Variants in TYW1B observed in about 807,000 individuals in gnomAD.
TYW1B encodes S-adenosyl-L-methionine-dependent tRNA 4-demethylwyosine synthase TYW1B.
TYW1B carries 73 observed loss-of-function variants against 86.9 expected under a neutral mutation model. The ratio of observed to expected loss-of-function variants is 0.84; its 90% CI spans 0.70 to 1.02. The LOEUF (loss-of-function observed/expected upper bound fraction) is 1.02. Among genes scored for constraint, TYW1B ranks in the 50% least tolerant of loss-of-function variants. TYW1B has a pLI of 0.00. For missense variants in TYW1B, 637 were observed against 827.4 expected (o/e 0.77, Z 2.82); for synonymous variants, 248 against 292.8 (o/e 0.85, Z 1.56).
intron 12 of TYW1B, among the ~76,000 whole-genome samples, chr7:72,623,723 T>C (rs1209527490): frequency 6.6e-6 from 1 of 152,156 alleles, no homozygotes; most frequent in Non-Finnish European, 1.5e-5. Flanking sequence ...TTAGAGAGGT[T>C]TGAGGTTATA....
At chr7:72,578,813 C>A (rs1563016865) in intron 13 of TYW1B, among the ~76,000 whole-genome samples, 1 of 152,138 alleles carries the variant, frequency 6.6e-6, no homozygotes, top group Non-Finnish European at 1.5e-5. Flanking sequence ...ATCACAGAAG[C>A]TTGGCCCCGT....
intron 11 of TYW1B, among the ~76,000 whole-genome samples, chr7:72,649,534 A>G (rs116401536): frequency 2.2e-3 from 334 of 152,302 alleles, no homozygotes; most frequent in African/African-American, 7.7e-3. Flanking sequence ...GATACTGACA[A>G]AAGTAAAATC....
intron 11 of TYW1B, among the ~76,000 whole-genome samples, chr7:72,629,528 G>A (rs1261793349): frequency 2.6e-5 from 4 of 152,124 alleles, no homozygotes; most frequent in African/African-American, 9.7e-5. Flanking sequence ...AACCACAAGA[G>A]GGACTGGCTT....
At chr7:72,727,330 T>C (rs1198712833) in intron 9 of TYW1B, among the ~76,000 whole-genome samples, 2 of 152,124 alleles carry the variant, frequency 1.3e-5, no homozygotes, top group South Asian at 2.1e-4. Flanking sequence ...TGGTTGCATA[T>C]GACGGAAAAG....
chr7:72,719,449 T>C (rs185604952), intron 9 of TYW1B, among the ~76,000 whole-genome samples: 1 of 151,264 alleles, frequency 6.6e-6, no homozygotes, highest in Non-Finnish European at 1.5e-5. Flanking sequence ...ACCAACATGG[T>C]GAAACCCCAT....
At chr7:72,818,802 C>T (rs1199895572) in intron 2 of TYW1B, among the ~76,000 whole-genome samples, 2 of 151,906 alleles carry the variant, frequency 1.3e-5, no homozygotes, top group Non-Finnish European at 1.5e-5. Context: ...AGGTGCCACA[C>T]ACTTTTAAAC....
chr7:72,818,457 G>T lies in TYW1B; in HGVS notation c.136-2976C>A, dbSNP rs531083281. On this transcript the variant is annotated intron_variant, in intron 2 of 13. Coordinates refer to ENST00000620995, the MANE Select transcript of TYW1B (RefSeq NM_001145440.3). Reference sequence around the variant, plus strand: ...TAGCTGGGTGTGGTGGCATATACCTGTGGTCCAGCTACTTGGGAGGCTGAG... The same window carrying T: ...TAGCTGGGTGTGGTGGCATATACCTTTGGTCCAGCTACTTGGGAGGCTGAG... Among the ~76,000 whole-genome samples, 7 of 150,840 alleles carry T rather than the reference G, an allele frequency of 4.6e-5. No individual in the cohort carries two copies. In the South Asian group the frequency reaches 1.5e-3, roughly 32 times the overall value.
intron 11 of TYW1B, among the ~76,000 whole-genome samples, chr7:72,634,361 T>C (rs1585864915): frequency 2.7e-5 from 4 of 147,550 alleles, no homozygotes; most frequent in South Asian, 4.4e-4. Context: ...TTTTTCTTTT[T>C]TTTTTTCTGT....
intron 7 of TYW1B, among the ~76,000 whole-genome samples, chr7:72,767,494 C>G (rs1457708603): frequency 2.6e-5 from 4 of 151,942 alleles, no homozygotes; most frequent in African/African-American, 7.3e-5. Context: ...CCTGTAGTCC[C>G]AGCTACTCAG....
chr7:72,598,416 G>A (rs1469882589), intron 13 of TYW1B, among the ~76,000 whole-genome samples: 1 of 151,906 alleles, frequency 6.6e-6, no homozygotes, highest in African/African-American at 2.4e-5. Context: ...ACAGAACCCT[G>A]ACTAATACAC....
At chr7:72,579,570 G>A (rs1811101820) in intron 13 of TYW1B, among the ~76,000 whole-genome samples, 1 of 152,182 alleles carries the variant, frequency 6.6e-6, no homozygotes. Context: ...CTGCCTTCTT[G>A]CTTTGTCCCA....
chr7:72,732,641 A>G (rs1355337729), intron 8 of TYW1B, among the ~76,000 whole-genome samples: 1 of 152,178 alleles, frequency 6.6e-6, no homozygotes, highest in Non-Finnish European at 1.5e-5. Flanking sequence ...TTATAATAAT[A>G]AACAACTATA....
chr7:72,604,105 A>G (rs1410229602), intron 13 of TYW1B, among the ~76,000 whole-genome samples: 2 of 152,198 alleles, frequency 1.3e-5, no homozygotes, highest in Non-Finnish European at 2.9e-5. Context: ...GGAACTCTCT[A>G]TAATACAGTC....
At chr7:72,587,893 C>T (rs1252310841) in intron 13 of TYW1B, among the ~76,000 whole-genome samples, 2 of 152,160 alleles carry the variant, frequency 1.3e-5, no homozygotes, top group East Asian at 3.9e-4. Flanking sequence ...AAGCAAGATG[C>T]AGTCAGTTAG....
chr7:72,631,849 T>A (rs1277884636), intron 11 of TYW1B, among the ~76,000 whole-genome samples: 3 of 152,200 alleles, frequency 2.0e-5, no homozygotes, highest in Non-Finnish European at 4.4e-5. Flanking sequence ...ATTACCTCTC[T>A]GTTCTTAGTT....
At chr7:72,733,949 C>A (rs13236199) in intron 8 of TYW1B, among the ~76,000 whole-genome samples, 3 of 152,108 alleles carry the variant, frequency 2.0e-5, no homozygotes, top group Non-Finnish European at 4.4e-5. Flanking sequence ...CTCAAGGCAT[C>A]ACAGTACATG....
intron 13 of TYW1B, among the ~76,000 whole-genome samples, chr7:72,585,098 G>T (rs1377179951): frequency 2.0e-5 from 3 of 152,152 alleles, no homozygotes; most frequent in Admixed American, 1.3e-4. Flanking sequence ...CTTCCCATCG[G>T]TTTCCCTTGT....
chr7:72,793,861 G>A (rs1788262191), intron 6 of TYW1B, among the ~76,000 whole-genome samples: 1 of 152,030 alleles, frequency 6.6e-6, no homozygotes, highest in Non-Finnish European at 1.5e-5. Context: ...ATGTTGGTAA[G>A]GTACTTTAAG....
intron 2 of TYW1B, among the ~76,000 whole-genome samples, chr7:72,825,017 G>C (rs1245376020): frequency 6.6e-6 from 1 of 150,564 alleles, no homozygotes; most frequent in Non-Finnish European, 1.5e-5. Flanking sequence ...GTGGGAGGAT[G>C]CCTTGAGCCC....
Sources: gnomAD v4.1 joint callset for allele counts (sites outside exome capture counted in the v4.1 genomes callset) on GRCh38, gnomAD v4.1.1 for gene constraint, MANE v1.5 for transcripts, NCBI Gene and HGNC (gene_info 2026-07-23, HGNC 2026-07-21) for gene names.